Variants in TANC2 observed in about 807,000 individuals in gnomAD.
TANC2 encodes tetratricopeptide repeat, ankyrin repeat and coiled-coil containing 2.
Under a neutral mutation model 210.5 loss-of-function variants are expected in TANC2, and 26 were observed. The observed-to-expected ratio is 0.12, with a 90% CI of 0.09 to 0.17. TANC2 has a LOEUF of 0.17. TANC2 is among the 10% of genes least tolerant of loss of function. The pLI is 1.00. For synonymous variants in TANC2, 931 were observed against 967.1 expected (o/e 0.96, Z 0.69); for missense variants, 2,129 against 2,608.9 (o/e 0.82, Z 4.01).
At chr17:63,169,940 A>C (rs776071831) in intron 5 of TANC2, among the ~76,000 whole-genome samples, 3 of 142,872 alleles carry the variant, frequency 2.1e-5, no homozygotes, top group Non-Finnish European at 4.5e-5. Context: ...GACCACAGTG[A>C]AATCCTGTCT....
rs2048721325 is a variant in TANC2, at chr17:63,412,079, T to G, written c.3847T>G (p.Cys1283Gly). 6.2e-7 allele frequency: 1 copy of G among 1,613,782 alleles called. No individual in the cohort carries two copies. The highest frequency in any genetic ancestry group is 8.5e-7 in the Non-Finnish European group (1 of 1,179,818). The change falls in exon 23 of 28, where the codon TGC (cysteine) becomes GGC (glycine). Residue 1283 changes from cysteine to glycine, a missense_variant. Cys to Gly is a radical substitution (Grantham distance 159). Transcript: ENST00000689528. This position sits in a 1 kb window ranked among gnomAD's most constrained non-coding sequence, Gnocchi z 4.2. ...GCGCCCTTTGGATAGGGCAGTGGGG[T>G]GCCGGAACACTTCTGTTGTTGTCAC... is the stretch of plus-strand genomic sequence containing the variant.
intron 21 of TANC2, among the ~76,000 whole-genome samples, chr17:63,409,016 T>C (rs969938725): frequency 6.6e-6 from 1 of 152,210 alleles, no homozygotes; most frequent in Non-Finnish European, 1.5e-5. Context: ...TCAGGTATGC[T>C]TGATCCTTTC....
chr17:63,122,475 G>A (rs1224376518), intron 4 of TANC2, among the ~76,000 whole-genome samples: 1 of 152,230 alleles, frequency 6.6e-6, no homozygotes, highest in Non-Finnish European at 1.5e-5. Flanking sequence ...AGTGGCTCAT[G>A]CCTGTAATCC....
chr17:63,212,194 G>A (rs1193392175), intron 7 of TANC2, among the ~76,000 whole-genome samples: 1 of 152,044 alleles, frequency 6.6e-6, no homozygotes, highest in Non-Finnish European at 1.5e-5. Flanking sequence ...TCATTTTTTG[G>A]CAGTGCTTAG....
chr17:63,153,802 G>T (rs1166725355), intron 5 of TANC2: 1 of 152,092 alleles, frequency 6.6e-6, no homozygotes, highest in African/African-American at 2.4e-5. Context: ...TAGCTTTTGT[G>T]TCTGAGAAAT....
rs571550414 is a variant in TANC2 at position 63,103,530 on chromosome 17, C to T, written c.322+4173C>T. Among the ~76,000 whole-genome samples, 120 of 152,282 alleles carry T rather than the reference C, an allele frequency of 7.9e-4. 1 individual carries two copies. The highest frequency in any genetic ancestry group is 2.4e-4 in the Non-Finnish European group (16 of 68,018). ...GTTTATATCCCAGCTCTGAGTGTCA[C>T]GTCACGACTGTTTGCTTCTGTTTCT... On this transcript the variant is annotated intron_variant, in intron 4 of 27. Coordinates refer to ENST00000689528, the Ensembl canonical transcript of TANC2.
chr17:63,331,798 G>A (rs1427567075), intron 11 of TANC2, among the ~76,000 whole-genome samples: 1 of 151,622 alleles, frequency 6.6e-6, no homozygotes, highest in African/African-American at 2.4e-5. Context: ...CAGTGAAAAC[G>A]CCAAGAATGA....
At chr17:63,185,997 A>G (rs561599200) in intron 5 of TANC2, among the ~76,000 whole-genome samples, 2 of 152,200 alleles carry the variant, frequency 1.3e-5, no homozygotes, top group Non-Finnish European at 2.9e-5. Context: ...ACCTAGTTCT[A>G]GGTCATAAAG....
chr17:63,310,883 A>G (rs1211380742), intron 9 of TANC2, among the ~76,000 whole-genome samples: 1 of 152,212 alleles, frequency 6.6e-6, no homozygotes, highest in East Asian at 1.9e-4. Context: ...TATCAAAAAC[A>G]CAACCCATTG....
chr17:63,005,481 C>CAA (rs34681292), intron 1 of TANC2, among the ~76,000 whole-genome samples: 73 of 146,208 alleles, frequency 5.0e-4, no homozygotes, highest in African/African-American at 5.5e-4. Context: ...TAAAAAATAA[C>CAA]AAAAAAAAAA....
chr17:63,237,964 C>G, exon 8 of TANC2: 6 of 1,587,486 alleles, frequency 3.8e-6, no homozygotes, highest in Non-Finnish European at 5.1e-6. Flanking sequence ...GAAAACATGA[C>G]TGCTTCCACC....
At chr17:63,180,351 A>G (rs2145644026) in intron 5 of TANC2, among the ~76,000 whole-genome samples, 1 of 152,348 alleles carries the variant, frequency 6.6e-6, no homozygotes. Flanking sequence ...TTCCCTGAGG[A>G]CAGGCTTCAG....
intron 6 of TANC2, among the ~76,000 whole-genome samples, chr17:63,199,218 T>C (rs1243175484): frequency 2.0e-5 from 3 of 152,168 alleles, no homozygotes; most frequent in Non-Finnish European, 4.4e-5. Flanking sequence ...AGAGACTCTA[T>C]TTGTAAAGAA....
At chr17:63,219,452 A>G (rs1159435891) in intron 7 of TANC2, among the ~76,000 whole-genome samples, 2 of 151,772 alleles carry the variant, frequency 1.3e-5, no homozygotes, top group Non-Finnish European at 2.9e-5. Context: ...AAGTTTTTCA[A>G]TTCCTCGTCT....
intron 2 of TANC2, among the ~76,000 whole-genome samples, chr17:63,067,457 A>G (rs1444742390): frequency 1.3e-5 from 2 of 152,044 alleles, no homozygotes; most frequent in Non-Finnish European, 2.9e-5. Context: ...TCTCTCATGT[A>G]TGAAATTAAA....
At chr17:63,105,606 TTTC>T (rs1190113733) in intron 4 of TANC2, among the ~76,000 whole-genome samples, 7 of 151,762 alleles carry the variant, frequency 4.6e-5, no homozygotes, top group African/African-American at 1.7e-4. Context: ...TTAAATAAGA[TTTC>T]TTAAACATAT....
intron 5 of TANC2, among the ~76,000 whole-genome samples, chr17:63,176,506 C>G (rs1010873109): frequency 4.6e-5 from 7 of 151,976 alleles, no homozygotes; most frequent in Non-Finnish European, 8.8e-5. Context: ...AAAATAGAAA[C>G]TAAAATAACA....
intron 13 of TANC2, among the ~76,000 whole-genome samples, chr17:63,351,635 T>C (rs2046612786): frequency 6.6e-6 from 1 of 152,146 alleles, no homozygotes; most frequent in Non-Finnish European, 1.5e-5. Context: ...CTGGATGAGG[T>C]TTAATAAAAT....
chr17:63,331,319 T>G (rs1043982652), intron 11 of TANC2, among the ~76,000 whole-genome samples: 1 of 152,264 alleles, frequency 6.6e-6, no homozygotes, highest in Admixed American at 6.5e-5. Context: ...TTCTTTAGAA[T>G]GATGTCAAAG....
Sources: gnomAD v4.1 joint callset for allele counts (sites outside exome capture counted in the v4.1 genomes callset) on GRCh38, gnomAD v4.1.1 for gene constraint, Gnocchi (gnomAD v3.1) non-coding constraint, MANE v1.5 for transcripts, NCBI Gene and HGNC (gene_info 2026-07-23, HGNC 2026-07-21) for gene names.